The following TRIO variants were observed in gnomAD, a reference collection of about 807,000 sequenced individuals.
The protein encoded by TRIO is trio Rho guanine nucleotide exchange factor.
Under a neutral mutation model 351.9 loss-of-function variants are expected in TRIO, and 58 were observed. That is an observed-to-expected ratio of 0.16 (90% CI 0.13 to 0.21). TRIO has a LOEUF of 0.21. Among genes scored for constraint, TRIO ranks in the 10% least tolerant of loss-of-function variants. The pLI, the probability that TRIO is intolerant of heterozygous loss-of-function variation, is 1.00. For missense variants in TRIO, 3,201 were observed against 4,027.8 expected, an observed-to-expected ratio of 0.79 and a Z score of 5.56; for synonymous variants, 1,758 against 1,595.7, an observed-to-expected ratio of 1.10 and a Z score of -2.42.
chr5:14,382,437 C>T (rs569913124), intron 21 of TRIO, among the ~76,000 whole-genome samples: 32 of 152,316 alleles, frequency 2.1e-4, no homozygotes, highest in African/African-American at 7.7e-4. Context: ...TCCACGGCTC[C>T]TATCCTGGAG....
intron 1 of TRIO, among the ~76,000 whole-genome samples, chr5:14,221,494 C>T (rs764991620): frequency 1.3e-5 from 2 of 152,186 alleles, no homozygotes; most frequent in African/African-American, 4.8e-5. Context: ...GGTCACCATT[C>T]TAGATGTCAT....
In TRIO at chr5:14,420,033, T is replaced by C. The variant is rs1415755424; in HGVS notation, c.5203+12T>C. 1 of 1,607,794 alleles carries C rather than the reference T, an allele frequency of 6.2e-7. No individual in the cohort carries two copies. The highest frequency in any genetic ancestry group is 8.5e-7 in the Non-Finnish European group (1 of 1,175,184). On this transcript the variant is annotated intron_variant, in intron 34 of 56. Transcript: ENST00000344204. ...CTTCAACCACAAAGGTAGGAATCAG[T>C]GGGGCATGGGTGGCAGACCCCTACT...
At chr5:14,465,832 A>T in intron 37 of TRIO, 192 bp downstream of exon 37, 1 of 614,190 alleles carries the variant, frequency 1.6e-6, no homozygotes, top group Non-Finnish European at 2.9e-6. Flanking sequence ...GAAAGCCATT[A>T]TTCCCACATT....
chr5:14,443,366 C>T lies in TRIO; in HGVS notation c.5204-17653C>T, dbSNP rs115546303. 1.4e-3 allele frequency among the ~76,000 whole-genome samples: 207 copies of T among 152,234 alleles called. 1 individual carries two copies. The highest frequency in any genetic ancestry group is 4.1e-3 in the African/African-American group (169 of 41,530). ...AAAGTGCCTGCCCATCCTTTTCTAA[C>T]GCTTATAGTAATTTCAAGACAATTT... is the stretch of plus-strand genomic sequence containing the variant. On this transcript the variant is annotated intron_variant, in intron 34 of 56. Transcript: ENST00000344204.
intron 54 of TRIO, among the ~76,000 whole-genome samples, chr5:14,504,110 C>T (rs755360920): frequency 1.3e-5 from 2 of 152,254 alleles, no homozygotes; most frequent in Non-Finnish European, 2.9e-5. Context: ...CAGAGGTCTT[C>T]CTCTGTCACT....
At chr5:14,440,384 G>A (rs1218659208) in intron 34 of TRIO, among the ~76,000 whole-genome samples, 3 of 152,202 alleles carry the variant, frequency 2.0e-5, no homozygotes, top group Non-Finnish European at 4.4e-5. Context: ...AGTCAGACCC[G>A]ACAGTTCCCA....
chr5:14,331,942 A>C (rs1176046240), intron 10 of TRIO, among the ~76,000 whole-genome samples: 1 of 152,196 alleles, frequency 6.6e-6, no homozygotes, highest in Non-Finnish European at 1.5e-5. Context: ...TTTCATGCGA[A>C]GCTTTTTGCA....
intron 1 of TRIO, among the ~76,000 whole-genome samples, chr5:14,261,990 G>T (rs771270898): frequency 6.6e-6 from 1 of 152,286 alleles, no homozygotes; most frequent in Non-Finnish European, 1.5e-5. Flanking sequence ...TGGAGCTGTC[G>T]CTATTGCTCT....
intron 36 of TRIO, among the ~76,000 whole-genome samples, chr5:14,465,044 C>A (rs548983219): frequency 1.3e-5 from 2 of 152,092 alleles, no homozygotes; most frequent in Non-Finnish European, 1.5e-5. Context: ...CACCGCACCC[C>A]GTTCCTTTCC....
In TRIO at chr5:14,394,021, G is replaced by A; in HGVS notation, c.4219-17G>A. Reference sequence around the variant, plus strand: ...AGCCCTATGATAACTCTTGTTTCTTGTTTGGTTTTAATACAGGAGATACAG... The same window carrying A: ...AGCCCTATGATAACTCTTGTTTCTTATTTGGTTTTAATACAGGAGATACAG... On this transcript the variant is annotated splice_polypyrimidine_tract_variant and intron_variant, in intron 27 of 56. Coordinates refer to ENST00000344204, the MANE Select transcript of TRIO (RefSeq NM_007118.4). 1 of 1,586,170 alleles carries A rather than the reference G, an allele frequency of 6.3e-7. No individual in the cohort carries two copies. Among genetic ancestry groups the A allele is most frequent in the Non-Finnish European group, 8.6e-7 (1 of 1,157,578 alleles).
chr5:14,488,895 G>T (rs749755490), intron 48 of TRIO: 3 of 750,076 alleles, frequency 4.0e-6, no homozygotes, highest in Non-Finnish European at 4.9e-6. Context: ...GGCTGGGGCC[G>T]GTCCCTGCGG....
intron 20 of TRIO, among the ~76,000 whole-genome samples, chr5:14,378,938 T>G (rs1266091247): frequency 1.3e-5 from 2 of 152,196 alleles, no homozygotes; most frequent in East Asian, 3.8e-4. Flanking sequence ...CCTTCTTAAG[T>G]CATTTTGGGA....
At chr5:14,232,458 A>T (rs1222905965) in intron 1 of TRIO, among the ~76,000 whole-genome samples, 1 of 152,168 alleles carries the variant, frequency 6.6e-6, no homozygotes, top group African/African-American at 2.4e-5. Flanking sequence ...GCTCAGCTTT[A>T]TACTTGGTTA....
intron 7 of TRIO, among the ~76,000 whole-genome samples, chr5:14,301,896 G>GA (rs1737932041): frequency 6.6e-6 from 1 of 152,106 alleles, no homozygotes; most frequent in African/African-American, 2.4e-5. Context: ...ATAAAGAACA[G>GA]AAAAATGATG....
At chr5:14,294,623 A>G (rs1253309814) in intron 6 of TRIO, among the ~76,000 whole-genome samples, 2 of 152,220 alleles carry the variant, frequency 1.3e-5, no homozygotes, top group Non-Finnish European at 1.5e-5. Context: ...AATAGGAACC[A>G]TAGTGTAGAA....
intron 21 of TRIO, among the ~76,000 whole-genome samples, chr5:14,384,800 C>A (rs139095735): frequency 6.6e-6 from 1 of 151,920 alleles, no homozygotes; most frequent in South Asian, 2.1e-4. Flanking sequence ...TAAAACTTTA[C>A]ACAAGACAGT....
At chr5:14,230,368 G>A (rs1026732660) in intron 1 of TRIO, among the ~76,000 whole-genome samples, 6 of 135,076 alleles carry the variant, frequency 4.4e-5, no homozygotes, top group African/African-American at 1.6e-4. Context: ...GTGTGTGTGT[G>A]TGTGTGTTGG....
rs141383076 is a variant in TRIO, at chr5:14,290,733, A to G, written c.558A>G (p.Leu186=). Residue 186 remains leucine (L), a synonymous_variant, in exon 5 of 57, where the codon TTA becomes TTG. Transcript: ENST00000344204. ...CCCTTAAGACAAATATGGTCTCTTT[A>G]GAAGGCCTTACCAAAGTAGTTGATC... The part of the protein sequence containing the change: ...KFEFETNMVS[L]EGLTKVVDPS... 8.4e-4 allele frequency: 1,353 copies of G among 1,612,390 alleles called. 10 individuals are homozygous for G. In the Middle Eastern group the frequency reaches 0.01, roughly 12 times the overall value.
chr5:14,379,724 A>C (rs529905430), intron 20 of TRIO, among the ~76,000 whole-genome samples: 1 of 152,192 alleles, frequency 6.6e-6, no homozygotes, highest in African/African-American at 2.4e-5. Context: ...ATTGTACATA[A>C]TTTTGTTGGC....
Sources: gnomAD v4.1 joint callset for allele counts (sites outside exome capture counted in the v4.1 genomes callset) on GRCh38, gnomAD v4.1.1 for gene constraint, MANE v1.5 for transcripts, NCBI Gene and HGNC (gene_info 2026-07-23, HGNC 2026-07-21) for gene names.